Variants in JHY observed in about 807,000 individuals in gnomAD.
The protein encoded by JHY is jhy protein homolog.
JHY carries 69 observed loss-of-function variants against 78.0 expected under a neutral mutation model. That is an observed-to-expected ratio of 0.88 (90% confidence interval 0.73 to 1.08). The LOEUF (loss-of-function observed/expected upper bound fraction) is 1.08, where lower values mean the gene tolerates loss of function less well. Among genes scored for constraint, JHY ranks in the 50% least tolerant of loss-of-function variants. JHY has a pLI of 0.00. For missense variants in JHY, 944 were observed against 927.8 expected, an observed-to-expected ratio of 1.02 and a Z score of -0.23; for synonymous variants, 368 against 342.6, an observed-to-expected ratio of 1.07 and a Z score of -0.82.
intron 1 of JHY, among the ~76,000 whole-genome samples, chr11:122,884,213 T>C (rs1029714653): frequency 2.6e-5 from 4 of 152,262 alleles, no homozygotes; most frequent in African/African-American, 9.6e-5. Context: ...TATTTACATA[T>C]GAACGTTCCC....
rs1864336648 is a variant in JHY at position 122,962,517 on chromosome 11, C to T, written c.*3072C>T. ...AGGCATTAGACAGGAAAATCACAGG[C>T]CAAAACTACTCCTAAAATGTATTTA... On this transcript the variant is annotated 3_prime_UTR_variant, in exon 9 of 9. Transcript: ENST00000227349. Among the ~76,000 whole-genome samples, 1 of 152,044 alleles carries T rather than the reference C, an allele frequency of 6.6e-6. No homozygotes were observed. The highest frequency in any genetic ancestry group is 2.4e-5 in the African/African-American group (1 of 41,384).
chr11:122,945,145 G>A lies in JHY; in HGVS notation c.1635-1353G>A, dbSNP rs563323452. On this transcript the variant is annotated intron_variant, in intron 5 of 8. Coordinates refer to ENST00000227349, the MANE Select transcript of JHY (RefSeq NM_024806.4). ...TGTTAGATTGTCTATTCTAGACTTC[G>A]TGCCTTTTTAACTGTTTTTATTTTA... Among the ~76,000 whole-genome samples, 8 of 152,222 alleles carry A rather than the reference G, an allele frequency of 5.3e-5. No homozygotes were observed. The East Asian group carries it at 5.8e-4, about 11-fold the overall frequency.
chr11:122,907,832 T>G (rs1350920446), intron 3 of JHY, among the ~76,000 whole-genome samples: 1 of 98,826 alleles, frequency 1.0e-5, no homozygotes, highest in Non-Finnish European at 1.9e-5. Context: ...AAACTCTATC[T>G]CAAAAAAAAA....
chr11:122,924,932 T>TAATAGA lies in JHY; in HGVS notation c.901_902insATAGAA (p.Ser300_Ile301insAsnArg). The TAATAGA allele has an allele frequency of 3.7e-6, 6 of 1,614,088 alleles. No individual in the cohort carries two copies. The highest frequency in any genetic ancestry group is 5.1e-6 in the Non-Finnish European group (6 of 1,179,950). ...CCGTCAGAGTAACAGACAAGACGTC[T>TAATAGA]ATTCAGAATGCCAAGGAAATGGAAA... On this transcript the variant is annotated inframe_insertion, in exon 4 of 9. Coordinates refer to ENST00000227349, the MANE Select transcript of JHY (RefSeq NM_024806.4).
intron 2 of JHY, among the ~76,000 whole-genome samples, chr11:122,894,246 G>T (rs976149554): frequency 2.6e-5 from 4 of 152,020 alleles, no homozygotes; most frequent in Non-Finnish European, 5.9e-5. Flanking sequence ...GGCGGAAGTT[G>T]CAGTGAGCCA....
chr11:122,959,166 T>G, intron 8 of JHY, 82 bp from the exon 9 acceptor site: 2 of 1,470,164 alleles, frequency 1.4e-6, no homozygotes. Context: ...ATTTATATTA[T>G]AAATAAACAT....
chr11:122,936,865 C>G (rs866019718), intron 5 of JHY, among the ~76,000 whole-genome samples: 3 of 152,178 alleles, frequency 2.0e-5, no homozygotes, highest in African/African-American at 4.8e-5. Context: ...AAATACCAGC[C>G]TTATAAAATG....
At position 122,961,499 on chromosome 11, in the gene JHY, C is replaced by A. The variant is rs192173379; in HGVS notation, c.*2054C>A. Among the ~76,000 whole-genome samples, 1 of 152,108 alleles carries A rather than the reference C, an allele frequency of 6.6e-6. No homozygotes were observed. The highest frequency in any genetic ancestry group is 1.5e-5 in the Non-Finnish European group (1 of 68,020). On this transcript the variant is annotated 3_prime_UTR_variant, in exon 9 of 9. Transcript: ENST00000227349. ...CCTCCCGAGTAGCCGAGATTGCAAG[C>A]GTGCACTACCACGCCCGGCTAATTT...
chr11:122,932,316 A>G (rs1490217157), intron 4 of JHY, among the ~76,000 whole-genome samples: 2 of 152,192 alleles, frequency 1.3e-5, no homozygotes, highest in Non-Finnish European at 2.9e-5. Flanking sequence ...GTATGTGAAT[A>G]GCAGATTTAA....
intron 6 of JHY, among the ~76,000 whole-genome samples, chr11:122,953,602 A>G (rs1864136960): frequency 7.6e-6 from 1 of 131,856 alleles, no homozygotes; most frequent in South Asian, 2.8e-4. Flanking sequence ...ACTCCATCTC[A>G]AAAAAAAAAA....
At chr11:122,921,649 C>G (rs933346729) in intron 3 of JHY, among the ~76,000 whole-genome samples, 7 of 152,152 alleles carry the variant, frequency 4.6e-5, no homozygotes, top group African/African-American at 1.7e-4. Flanking sequence ...TTATAAGGAT[C>G]TAGTGTTTCA....
At chr11:122,914,269 G>C (rs185528654) in intron 3 of JHY, among the ~76,000 whole-genome samples, 1 of 152,060 alleles carries the variant, frequency 6.6e-6, no homozygotes. Flanking sequence ...AGGATATATT[G>C]CTCTTTTTCA....
Position 122,959,337 on chromosome 11 carries a change from T to C in JHY, c.2229T>C (p.Ala743=), listed in dbSNP as rs568740399. 7.3e-5 allele frequency: 118 copies of C among 1,614,038 alleles called. No individual in the cohort carries two copies. In the South Asian group the frequency reaches 9.9e-4, roughly 14 times the overall value. Residue 743 remains alanine, a synonymous_variant, in exon 9 of 9, where the codon GCT becomes GCC. Coordinates refer to ENST00000227349, the MANE Select transcript of JHY (RefSeq NM_024806.4). ...ASKEQKNPTY[A]GKEESLPEIS... ...AGGAACAAAAAAATCCAACCTATGC[T>C]GGGAAAGAAGAAAGTTTACCTGAAA...
rs1864351695 is a variant in JHY, at chr11:122,963,403, A to G, written c.*3958A>G. Among the ~76,000 whole-genome samples the G allele has an allele frequency of 6.6e-6, 1 of 152,234 alleles. No individual in the cohort carries two copies. Among genetic ancestry groups the G allele is most frequent in the Admixed American group, 6.5e-5 (1 of 15,284 alleles). ...TATATAGTGCCATGTGGCATCTAAA[A>G]TAACTTTGGCTAGGAAATAAAACAT... On this transcript the variant is annotated 3_prime_UTR_variant, in exon 9 of 9. Transcript: ENST00000227349.
At chr11:122,958,707 G>C in intron 8 of JHY, 1 of 983,040 alleles carries the variant, frequency 1.0e-6, no homozygotes, top group Non-Finnish European at 1.2e-6. Flanking sequence ...TGACATCACT[G>C]AGAAAAAGAC....
chr11:122,956,542 G>A lies in JHY; in HGVS notation c.1976G>A (p.Gly659Asp). ...CAGAAAAGAGACGTGAAGCTTGGAGGCCTCGGACCTGACTTTGAGTCCATC... is the reference window on the plus strand; with the variant it reads ...CAGAAAAGAGACGTGAAGCTTGGAGACCTCGGACCTGACTTTGAGTCCATC... ...GYQKRDVKLG[G>D]LGPDFESIRD... The change falls in exon 7 of 9, where the codon GGC (glycine) becomes GAC (aspartate). Residue 659 changes from glycine to aspartate, a missense_variant. Transcript: ENST00000227349. 1 of 1,613,662 alleles carries A rather than the reference G, an allele frequency of 6.2e-7. No homozygotes were observed. The highest frequency in any genetic ancestry group is 8.5e-7 in the Non-Finnish European group (1 of 1,179,678).
chr11:122,949,774 C>T (rs148640945), intron 6 of JHY, among the ~76,000 whole-genome samples: 2 of 152,154 alleles, frequency 1.3e-5, no homozygotes, highest in East Asian at 3.9e-4. Flanking sequence ...TGACTTGGAG[C>T]TGGGAGAATC....
chr11:122,959,570 T>C lies in JHY; in HGVS notation c.*125T>C, dbSNP rs1011243183. Reference sequence around the variant, plus strand: ...TTATCATCTATCTGCCGTCCATGTTTGCTTTCTGCAGGATTTAAAATATGA... The same window carrying C: ...TTATCATCTATCTGCCGTCCATGTTCGCTTTCTGCAGGATTTAAAATATGA... On this transcript the variant is annotated 3_prime_UTR_variant, in exon 9 of 9. Coordinates refer to ENST00000227349, the MANE Select transcript of JHY (RefSeq NM_024806.4). 1.4e-5 allele frequency: 13 copies of C among 913,884 alleles called. No individual in the cohort carries two copies. The highest frequency in any genetic ancestry group is 2.4e-4 in the Middle Eastern group (1 of 4,166). The allele number at this position is 913,884 out of a possible 1,614,324, so 56.6% of individuals were successfully genotyped here.
At chr11:122,954,522 A>C (rs1173074552) in intron 6 of JHY, among the ~76,000 whole-genome samples, 1 of 152,224 alleles carries the variant, frequency 6.6e-6, no homozygotes, top group Non-Finnish European at 1.5e-5. Context: ...CAATAATTAT[A>C]CCTAATATGA....
Sources: gnomAD v4.1 joint callset for allele counts (sites outside exome capture counted in the v4.1 genomes callset) on GRCh38, gnomAD v4.1.1 for gene constraint, MANE v1.5 for transcripts, NCBI Gene and HGNC (gene_info 2026-07-23, HGNC 2026-07-21) for gene names.